NRXN3: variants seen among roughly 807,000 people sequenced by gnomAD.
NRXN3 encodes the protein neurexin 3.
In NRXN3, 32 loss-of-function variants were observed where a neutral mutation model predicts 137.6. The ratio of observed to expected loss-of-function variants is 0.23; its 90% CI spans 0.18 to 0.31. NRXN3 has a LOEUF of 0.31. Among genes scored for constraint, NRXN3 ranks in the 10% least tolerant of loss-of-function variants. The pLI, the probability that NRXN3 is intolerant of heterozygous loss-of-function variation, is 1.00. For missense variants in NRXN3, 1,574 were observed against 2,062.5 expected (o/e 0.76, Z 4.59); for synonymous variants, 798 against 784.5 (o/e 1.02, Z -0.29).
chr14:78,946,869 A>G (rs977514298), intron 10 of NRXN3, among the ~76,000 whole-genome samples: 3 of 152,192 alleles, frequency 2.0e-5, no homozygotes, highest in Admixed American at 1.3e-4. Context: ...AATACATTTG[A>G]ATTGAAATAC....
chr14:78,597,430 A>G (rs1206359675), intron 4 of NRXN3, among the ~76,000 whole-genome samples: 2 of 152,008 alleles, frequency 1.3e-5, no homozygotes, highest in Non-Finnish European at 2.9e-5. Context: ...TGAAGAATCT[A>G]TTTTCTTTGT....
chr14:79,637,752 T>C (rs1230684516), intron 16 of NRXN3, among the ~76,000 whole-genome samples: 11 of 147,856 alleles, frequency 7.4e-5, no homozygotes, highest in Admixed American at 7.4e-4. Context: ...TTTTTTGAGA[T>C]GGAGTCTTGC....
chr14:78,697,802 T>C (rs1406128385), intron 6 of NRXN3: 1 of 152,038 alleles, frequency 6.6e-6, no homozygotes, highest in Non-Finnish European at 1.5e-5. Context: ...TGCTGCCTCC[T>C]GTACCAGGTT....
chr14:79,161,434 C>T (rs1162873340), intron 15 of NRXN3, among the ~76,000 whole-genome samples: 2 of 151,906 alleles, frequency 1.3e-5, no homozygotes, highest in Non-Finnish European at 2.9e-5. Flanking sequence ...TTGATTGCTT[C>T]AATCAACATT....
At chr14:79,663,638 G>A (rs2098544951) in intron 16 of NRXN3, 140 bp from the exon 17 acceptor site, 2 of 703,268 alleles carry the variant, frequency 2.8e-6, no homozygotes, top group Non-Finnish European at 4.8e-6. Flanking sequence ...GAGAAATGTA[G>A]AATGCTATTA....
rs1414740937 is a variant in NRXN3, at chr14:78,943,523, G to C, written c.2276-13719G>C. Among the ~76,000 whole-genome samples the C allele has an allele frequency of 2.0e-5, 3 of 148,706 alleles. No individual in the cohort carries two copies. The East Asian group carries it at 6.0e-4, about 30-fold the overall frequency. ...GGAAAGAGGCAGGGTTATGAGGAGG[G>C]CTTCTGTGAGTGGAGTGAAATTTAA... On this transcript the variant is annotated intron_variant, in intron 10 of 20. Coordinates refer to ENST00000335750, the MANE Select transcript of NRXN3 (RefSeq NM_001330195.2).
intron 4 of NRXN3, among the ~76,000 whole-genome samples, chr14:78,531,635 G>A (rs1026028459): frequency 6.6e-6 from 1 of 152,070 alleles, no homozygotes; most frequent in Admixed American, 6.6e-5. Flanking sequence ...TGCATGTGCT[G>A]GTGTCTCCTG....
At chr14:79,824,417 G>A (rs752596707) in intron 20 of NRXN3, among the ~76,000 whole-genome samples, 1 of 150,710 alleles carries the variant, frequency 6.6e-6, no homozygotes, top group African/African-American at 2.4e-5. Flanking sequence ...TTTTTTCCAC[G>A]TGCATCTTAC....
chr14:79,350,669 C>A (rs1487126257), intron 15 of NRXN3, among the ~76,000 whole-genome samples: 1 of 151,946 alleles, frequency 6.6e-6, no homozygotes, highest in Non-Finnish European at 1.5e-5. Flanking sequence ...TTCTTGATTC[C>A]TATGGATATG....
rs1455556088 is a variant in NRXN3 at position 79,540,176 on chromosome 14, G to A, written c.3444+72774G>A. On this transcript the variant is annotated intron_variant, in intron 16 of 20. Coordinates refer to ENST00000335750, the MANE Select transcript of NRXN3 (RefSeq NM_001330195.2). ...ATGCCTTAAAAAGATTGCTTTGAAGGATGAAGAGACTTGAAACAACTCTCT... is the reference window on the plus strand; with the variant it reads ...ATGCCTTAAAAAGATTGCTTTGAAGAATGAAGAGACTTGAAACAACTCTCT... 1.3e-4 allele frequency among the ~76,000 whole-genome samples: 15 copies of A among 117,802 alleles called. 1 individual carries two copies. The South Asian group carries it at 4.6e-3, about 36-fold the overall frequency. The allele number at this position is 117,802 out of a possible 152,430, so 77.3% of individuals were successfully genotyped here.
chr14:78,696,367 G>T lies in NRXN3; in HGVS notation c.1222-12850G>T, dbSNP rs1474557915. ...ATGAGGATAATAGTAACCAATATAT[G>T]CAAGGTGCCAGGAGATATTCTAAGC... is the stretch of plus-strand genomic sequence containing the variant. On this transcript the variant is annotated intron_variant, in intron 6 of 20. Transcript: ENST00000335750. Among the ~76,000 whole-genome samples, 5 of 151,970 alleles carry T rather than the reference G, an allele frequency of 3.3e-5. 1 individual carries two copies. The highest frequency in any genetic ancestry group is 6.4e-3 in the Middle Eastern group (2 of 314).
intron 4 of NRXN3, among the ~76,000 whole-genome samples, chr14:78,380,170 A>G (rs1035362390): frequency 3.9e-5 from 6 of 152,152 alleles, no homozygotes; most frequent in Admixed American, 2.0e-4. Context: ...AGAGATTTCA[A>G]TTCTCCCTGA....
At chr14:79,260,152 AC>A (rs2077377271) in intron 15 of NRXN3, among the ~76,000 whole-genome samples, 2 of 152,270 alleles carry the variant, frequency 1.3e-5, no homozygotes, top group Non-Finnish European at 2.9e-5. Context: ...CTACCTTATT[AC>A]TTTAGTGAGA....
intron 4 of NRXN3, among the ~76,000 whole-genome samples, chr14:78,433,704 C>T (rs1190652686): frequency 1.3e-5 from 2 of 152,140 alleles, no homozygotes; most frequent in Non-Finnish European, 2.9e-5. Context: ...GCAAGAAGGC[C>T]CTCCCAAGAT....
intron 15 of NRXN3, among the ~76,000 whole-genome samples, chr14:79,020,862 T>TACACACACACACAC (rs3035451): frequency 5.9e-4 from 86 of 145,202 alleles, no homozygotes; most frequent in Middle Eastern, 3.6e-3. Context: ...GCTTGCATTT[T>TACACACACACACAC]ACACACACAC....
chr14:79,657,131 C>T (rs2098510220), intron 16 of NRXN3, among the ~76,000 whole-genome samples: 2 of 152,158 alleles, frequency 1.3e-5, no homozygotes, highest in South Asian at 4.1e-4. Context: ...ATTTATTTCT[C>T]TTAATAAGTA....
chr14:78,185,836 G>C (rs1349976393), intron 1 of NRXN3, among the ~76,000 whole-genome samples: 5 of 152,168 alleles, frequency 3.3e-5, no homozygotes, highest in Non-Finnish European at 7.3e-5. Context: ...TCTGTCTTTG[G>C]ACCAATCACA....
chr14:78,291,602 C>T (rs555771381), intron 3 of NRXN3, among the ~76,000 whole-genome samples: 1 of 152,312 alleles, frequency 6.6e-6, no homozygotes, highest in South Asian at 2.1e-4. Context: ...ACACTTTTGG[C>T]TTCTGCAAAT....
intron 15 of NRXN3, among the ~76,000 whole-genome samples, chr14:78,996,634 G>A (rs376075711): frequency 1.3e-5 from 2 of 151,984 alleles, no homozygotes; most frequent in South Asian, 2.1e-4. Flanking sequence ...TGATTTGCTC[G>A]GGGAACAAGA....
Sources: allele counts gnomAD v4.1 joint callset (sites outside exome capture counted in the v4.1 genomes callset), GRCh38; gene constraint gnomAD v4.1.1; transcripts MANE v1.5; gene names NCBI Gene and HGNC (gene_info 2026-07-23, HGNC 2026-07-21).